The following SLC12A7 variants were observed in gnomAD, a reference collection of about 807,000 sequenced individuals.
SLC12A7 encodes K-Cl cotransporter 4.
A neutral mutation model predicts 120.6 loss-of-function variants in SLC12A7; 100 were observed. That is an observed-to-expected ratio of 0.83 (90% confidence interval 0.71 to 0.98). The LOEUF (loss-of-function observed/expected upper bound fraction) is 0.98, where lower values mean the gene tolerates loss of function less well. Ranked by LOEUF, SLC12A7 falls within the 50% of genes least tolerant of loss-of-function variation. The pLI is 0.00. For missense variants in SLC12A7, 1,373 were observed against 1,548.1 expected, an observed-to-expected ratio of 0.89 and a Z score of 1.90; for synonymous variants, 760 against 678.0, an observed-to-expected ratio of 1.12 and a Z score of -1.88.
chr5:1,059,023 T>C (rs1275746297), intron 21 of SLC12A7, among the ~76,000 whole-genome samples: 1 of 152,232 alleles, frequency 6.6e-6, no homozygotes, highest in African/African-American at 2.4e-5. Context: ...GAACTTCCCA[T>C]GAAGCCATGG....
rs1735035443 is a variant in SLC12A7, at chr5:1,051,502, TG to T, written c.*857del. On this transcript the variant is annotated 3_prime_UTR_variant, in exon 24 of 24. Transcript: ENST00000264930. ...CAGTGCATTTGCCTGCGTGAGGCAC[TG>T]ATCGCACCTGTGGCTGTGGGCTGGG... is the stretch of plus-strand genomic sequence containing the variant. 6.6e-6 allele frequency: 1 copy of T among 152,426 alleles called. No individual in the cohort carries two copies. The highest frequency in any genetic ancestry group is 2.4e-5 in the African/African-American group (1 of 41,470). 9.4% of individuals were successfully genotyped at this position (152,426 alleles called of 1,614,324 possible).
chr5:1,093,768 G>A, intron 2 of SLC12A7, 113 bp from the exon 3 acceptor site: 1 of 1,481,734 alleles, frequency 6.7e-7, no homozygotes, highest in South Asian at 1.3e-5. Flanking sequence ...CTCAGCCCCT[G>A]GGTCTGAAGC....
upstream of SLC12A7, among the ~76,000 whole-genome samples, chr5:1,116,281 G>A (rs75599438): frequency 4.2e-3 from 639 of 152,272 alleles, 22 homozygotes; most frequent in East Asian, 0.079. Flanking sequence ...CCCCCGCCCC[G>A]ATCCCTGGCT....
the SLC12A7 span, among the ~76,000 whole-genome samples, chr5:1,147,250 A>ACCCCCCC: frequency 4.6e-5 from 5 of 108,678 alleles, no homozygotes; most frequent in Admixed American, 9.3e-5. Flanking sequence ...CCACCCCGCC[A>ACCCCCCC]CCCCCCCCGC....
chr5:1,117,527 A>G, the SLC12A7 span, among the ~76,000 whole-genome samples: 1 of 152,202 alleles, frequency 6.6e-6, no homozygotes, highest in Admixed American at 6.5e-5. The surrounding 1 kb of genome is among the most constrained non-coding windows in gnomAD (Gnocchi z 4.5). Flanking sequence ...ATGCAGCTGG[A>G]GGCTACAAGA....
At chr5:1,100,271 G>A (rs139542604) in intron 1 of SLC12A7, among the ~76,000 whole-genome samples, 5 of 152,184 alleles carry the variant, frequency 3.3e-5, no homozygotes, top group Non-Finnish European at 5.9e-5. Flanking sequence ...AGGCTTGTAC[G>A]GTGCTCCATT....
At chr5:1,154,074 C>T in the SLC12A7 span, among the ~76,000 whole-genome samples, 1 of 151,970 alleles carries the variant, frequency 6.6e-6, no homozygotes, top group Non-Finnish European at 1.5e-5. Flanking sequence ...CCGAGAATAA[C>T]AAGTGTCCCA....
Position 1,057,759 on chromosome 5 carries a change from C to A in SLC12A7, c.2848-110G>T, listed in dbSNP as rs1050068721. 128 of 1,066,180 alleles carry A rather than the reference C, an allele frequency of 1.2e-4. No homozygotes were observed. The Middle Eastern group carries it at 1.9e-3, about 16-fold the overall frequency. 66.0% of individuals were successfully genotyped at this position (1,066,180 alleles called of 1,614,324 possible). Reference sequence around the variant, plus strand: ...GGGCAGCTCACAGAACCTGAAGGGCCCTGTGTGCCTGACCCGGGACCCAGC... The same window carrying A: ...GGGCAGCTCACAGAACCTGAAGGGCACTGTGTGCCTGACCCGGGACCCAGC... On this transcript the variant is annotated intron_variant, in intron 21 of 23. Transcript: ENST00000264930.
intron 4 of SLC12A7, 109 bp downstream of exon 4, chr5:1,088,873 G>A (rs1740178718): frequency 1.2e-5 from 17 of 1,435,076 alleles, no homozygotes; most frequent in Admixed American, 1.8e-5. Flanking sequence ...GGCTGCCACC[G>A]CCCGAAGGCA....
At chr5:1,056,649 AG>A (rs762894522) in intron 22 of SLC12A7, 45 of 941,634 alleles carry the variant, frequency 4.8e-5, no homozygotes, top group Non-Finnish European at 5.7e-5. Context: ...AGAGAGCACC[AG>A]GCTGTTCCAG....
chr5:1,140,090 G>A, the SLC12A7 span, among the ~76,000 whole-genome samples: 4 of 152,200 alleles, frequency 2.6e-5, no homozygotes, highest in South Asian at 4.1e-4. Context: ...AGGCACCACC[G>A]CCTTGGCCTC....
chr5:1,065,565 A>AC (rs1736959742), intron 17 of SLC12A7, 87 bp from the exon 18 acceptor site: 2 of 1,168,142 alleles, frequency 1.7e-6, no homozygotes, highest in Non-Finnish European at 2.4e-6. Context: ...GGGCACCCGC[A>AC]CCACCTCCCC....
the SLC12A7 span, among the ~76,000 whole-genome samples, chr5:1,123,603 G>A: frequency 2.6e-5 from 4 of 152,254 alleles, no homozygotes; most frequent in African/African-American, 4.8e-5. Context: ...GCCGGCCAGA[G>A]ACCGCCGCAC....
chr5:1,092,606 C>T (rs1361814533), intron 3 of SLC12A7, among the ~76,000 whole-genome samples: 1 of 152,098 alleles, frequency 6.6e-6, no homozygotes, highest in East Asian at 1.9e-4. Flanking sequence ...AGCTGTCTGC[C>T]GAAGGAGGGG....
At chr5:1,085,709 G>T (rs1386340040) in intron 6 of SLC12A7, among the ~76,000 whole-genome samples, 1 of 152,018 alleles carries the variant, frequency 6.6e-6, no homozygotes, top group African/African-American at 2.4e-5. Flanking sequence ...CACAGGCGAG[G>T]GACGGAGCCC....
intron 20 of SLC12A7, among the ~76,000 whole-genome samples, chr5:1,062,021 C>T (rs1306567680): frequency 4.6e-5 from 7 of 152,200 alleles, no homozygotes; most frequent in African/African-American, 7.2e-5. Flanking sequence ...CTTGTCCCTG[C>T]GGCCAGGGCT....
chr5:1,092,133 CA>C (rs1274785921), intron 3 of SLC12A7, among the ~76,000 whole-genome samples: 4 of 152,248 alleles, frequency 2.6e-5, no homozygotes. Flanking sequence ...TGAGGCTTCT[CA>C]AAAACAAAAC....
At chr5:1,127,083 CG>C in the SLC12A7 span, among the ~76,000 whole-genome samples, 7 of 152,098 alleles carry the variant, frequency 4.6e-5, no homozygotes, top group African/African-American at 1.7e-4. Flanking sequence ...GGCGCAATCT[CG>C]GCTCACTGCA....
chr5:1,154,309 A>G, the SLC12A7 span, among the ~76,000 whole-genome samples: 3 of 149,544 alleles, frequency 2.0e-5, no homozygotes. Flanking sequence ...AGCTCCCACC[A>G]CACCCCTGTA....
Sources: gnomAD v4.1 joint callset for allele counts (sites outside exome capture counted in the v4.1 genomes callset) on GRCh38, gnomAD v4.1.1 for gene constraint, Gnocchi (gnomAD v3.1) non-coding constraint, MANE v1.5 for transcripts, NCBI Gene and HGNC (gene_info 2026-07-23, HGNC 2026-07-21) for gene names.